RPS6KA2: variants seen among roughly 807,000 people sequenced by gnomAD.
The protein encoded by RPS6KA2 is ribosomal protein S6 kinase alpha-2.
In RPS6KA2, 42 loss-of-function variants were observed where a neutral mutation model predicts 91.8. The ratio of observed to expected loss-of-function variants is 0.46; its 90% confidence interval spans 0.36 to 0.59. The LOEUF is 0.59. Ranked by LOEUF, RPS6KA2 falls within the 20% of genes least tolerant of loss-of-function variation. RPS6KA2 has a pLI of 0.00. For missense variants in RPS6KA2, 798 were observed against 978.5 expected (o/e 0.82, Z 2.46); for synonymous variants, 414 against 393.6 (o/e 1.05, Z -0.61).
chr6:166,710,511 G>C (rs949128814), intron 2 of RPS6KA2, among the ~76,000 whole-genome samples: 1 of 142,312 alleles, frequency 7.0e-6, no homozygotes, highest in Non-Finnish European at 1.6e-5. Flanking sequence ...TGTGTGTGTG[G>C]TGTGTGTGTG....
rs1379177642 is a variant in RPS6KA2 at position 166,557,272 on chromosome 6, T to G, written c.100-18488A>C. On this transcript the variant is annotated intron_variant, in intron 1 of 20. Transcript: ENST00000265678. This position sits in a 1 kb window ranked among gnomAD's most constrained non-coding sequence, Gnocchi z 4.8. ...GTAGCTCCTGCCGGGGTGAGGACCGTGGGCGCGGAGCATGCTTCCCAAGAA... is the reference window on the plus strand; with the variant it reads ...GTAGCTCCTGCCGGGGTGAGGACCGGGGGCGCGGAGCATGCTTCCCAAGAA... Among the ~76,000 whole-genome samples the G allele has an allele frequency of 6.6e-6, 1 of 152,210 alleles. No homozygotes were observed. The highest frequency in any genetic ancestry group is 1.5e-5 in the Non-Finnish European group (1 of 68,032).
At chr6:166,597,913 C>T (rs139552209) in intron 1 of RPS6KA2, among the ~76,000 whole-genome samples, 1 of 152,336 alleles carries the variant, frequency 6.6e-6, no homozygotes, top group African/African-American at 2.4e-5. Flanking sequence ...TTTCATCACC[C>T]AGTTCCTGTC....
chr6:166,498,727 G>A lies in RPS6KA2; in HGVS notation c.605-77C>T, dbSNP rs755209940. On this transcript the variant is annotated intron_variant, in intron 7 of 20. Coordinates refer to ENST00000265678, the MANE Select transcript of RPS6KA2 (RefSeq NM_021135.6). ...GGTCCACACTCAGGCGGGCATCAGCGTCCTTCTGTGGGCTCTGCCCCCTCT... is the reference window on the plus strand; with the variant it reads ...GGTCCACACTCAGGCGGGCATCAGCATCCTTCTGTGGGCTCTGCCCCCTCT... 1.1e-3 allele frequency: 1,714 copies of A among 1,560,458 alleles called. 3 individuals carry two copies. Among genetic ancestry groups the A allele is most frequent in the Non-Finnish European group, 1.4e-3 (1,600 of 1,147,626 alleles).
chr6:166,525,419 T>C (rs900691894), intron 3 of RPS6KA2, among the ~76,000 whole-genome samples: 1 of 151,992 alleles, frequency 6.6e-6, no homozygotes, highest in Non-Finnish European at 1.5e-5. Flanking sequence ...ACCCCAGCAG[T>C]GTGGCCCCCT....
intron 2 of RPS6KA2, among the ~76,000 whole-genome samples, chr6:166,718,087 A>T (rs1397586931): frequency 6.6e-6 from 1 of 152,182 alleles, no homozygotes; most frequent in Non-Finnish European, 1.5e-5. Context: ...ACCTCTGGTG[A>T]TCCACCCACC....
rs140487359 is a variant in RPS6KA2, at chr6:166,733,605, C to A, written c.123+124595G>T. ...TCTTGTAGCATGTATGTATGGAAGC[C>A]AGTGCCAGTCTCTTTAGGAAAAAGG... On this transcript the variant is annotated intron_variant, in intron 2 of 21. Coordinates refer to the RPS6KA2 transcript ENST00000503859. The surrounding 1 kb of genome is among the most constrained non-coding windows in gnomAD (Gnocchi z 4.1). Among the ~76,000 whole-genome samples, 296 of 152,234 alleles carry A rather than the reference C, an allele frequency of 1.9e-3. 5 individuals carry two copies. Among genetic ancestry groups the A allele is most frequent in the East Asian group, 0.013 (66 of 5,184 alleles).
intron 1 of RPS6KA2, among the ~76,000 whole-genome samples, chr6:166,588,440 C>T (rs1039491500): frequency 1.3e-5 from 2 of 152,078 alleles, no homozygotes; most frequent in Non-Finnish European, 2.9e-5. Flanking sequence ...TGCACCTGAA[C>T]TGGGGGTCTT....
intron 2 of RPS6KA2, among the ~76,000 whole-genome samples, chr6:166,532,460 G>A (rs952519943): frequency 6.6e-6 from 1 of 152,190 alleles, no homozygotes; most frequent in Non-Finnish European, 1.5e-5. Context: ...AAGACGCAAG[G>A]TCCCAGCACA....
chr6:166,855,520 G>C (rs1307828820), intron 2 of RPS6KA2, among the ~76,000 whole-genome samples: 1 of 148,314 alleles, frequency 6.7e-6, no homozygotes, highest in East Asian at 1.9e-4. Flanking sequence ...AGAAGAATAA[G>C]AAGGGTTTTG....
chr6:166,860,034 A>G (rs759341596), intron 1 of RPS6KA2, among the ~76,000 whole-genome samples: 1 of 152,226 alleles, frequency 6.6e-6, no homozygotes, highest in Non-Finnish European at 1.5e-5. Context: ...ATTTCTTGAT[A>G]TGTGAGTTAT....
chr6:166,460,827 G>A (rs1780254731), intron 11 of RPS6KA2: 1 of 152,310 alleles, frequency 6.6e-6, no homozygotes, highest in Non-Finnish European at 1.5e-5. Context: ...GGACCCTCAT[G>A]GCCGTGCAGC....
chr6:166,703,356 C>T (rs1789585812), intron 2 of RPS6KA2, among the ~76,000 whole-genome samples: 4 of 152,214 alleles, frequency 2.6e-5, no homozygotes, highest in Admixed American at 2.0e-4. Context: ...GAGGGGTGCT[C>T]GCTTTGTTTG....
At chr6:166,802,944 G>GTATGTA (rs1554259246) in intron 2 of RPS6KA2, among the ~76,000 whole-genome samples, 3 of 133,806 alleles carry the variant, frequency 2.2e-5, no homozygotes, top group African/African-American at 8.5e-5. Context: ...GTGTGTGTGT[G>GTATGTA]TATATATATA....
intron 19 of RPS6KA2, among the ~76,000 whole-genome samples, chr6:166,414,336 C>A (rs992085624): frequency 6.6e-6 from 1 of 152,116 alleles, no homozygotes; most frequent in Non-Finnish European, 1.5e-5. Context: ...TTTATCAGGA[C>A]TACCCATAAA....
chr6:166,474,302 T>C (rs1334518853), intron 10 of RPS6KA2, among the ~76,000 whole-genome samples: 2 of 152,152 alleles, frequency 1.3e-5, no homozygotes, highest in Non-Finnish European at 2.9e-5. Flanking sequence ...AGGAAAACAG[T>C]AACAAGAGCA....
intron 11 of RPS6KA2, among the ~76,000 whole-genome samples, chr6:166,461,936 C>T (rs1161015359): frequency 2.0e-5 from 3 of 152,176 alleles, no homozygotes; most frequent in South Asian, 2.1e-4. Context: ...AGGGGTTTTG[C>T]CCCCACTGGG....
intron 2 of RPS6KA2, among the ~76,000 whole-genome samples, chr6:166,837,941 T>G (rs1583168406): frequency 6.6e-6 from 1 of 152,370 alleles, no homozygotes; most frequent in East Asian, 1.9e-4. Flanking sequence ...AAATGGAAAT[T>G]AAGAAACAGA....
intron 2 of RPS6KA2, among the ~76,000 whole-genome samples, chr6:166,840,587 C>A (rs1455359054): frequency 6.6e-6 from 1 of 152,200 alleles, no homozygotes; most frequent in East Asian, 1.9e-4. Flanking sequence ...GACAGCACGT[C>A]CTTACTGTAA....
chr6:166,628,213 TC>T (rs200930859), upstream of RPS6KA2, among the ~76,000 whole-genome samples: 147 of 151,718 alleles, frequency 9.7e-4, no homozygotes, highest in African/African-American at 2.5e-3. Flanking sequence ...AACACTTTTT[TC>T]TTTTTTTTCC....
Sources: allele counts gnomAD v4.1 joint callset (sites outside exome capture counted in the v4.1 genomes callset), GRCh38; gene constraint gnomAD v4.1.1; non-coding constraint Gnocchi (gnomAD v3.1); transcripts MANE v1.5; gene names NCBI Gene and HGNC (gene_info 2026-07-23, HGNC 2026-07-21).